The following KSR2 variants were observed in gnomAD, a reference collection of about 807,000 sequenced individuals.
KSR2 encodes the protein kinase suppressor of ras 2.
In KSR2, 25 loss-of-function variants were observed where a neutral mutation model predicts 107.8. The ratio of observed to expected loss-of-function variants is 0.23; its 90% CI spans 0.17 to 0.32. The LOEUF is 0.32. Ranked by LOEUF, KSR2 falls within the 10% of genes least tolerant of loss-of-function variation. The pLI, the probability that KSR2 is intolerant of heterozygous loss-of-function variation, is 1.00. For synonymous variants in KSR2, 480 were observed against 507.0 expected (o/e 0.95, Z 0.71); for missense variants, 887 against 1,268.9 (o/e 0.70, Z 4.57).
intron 7 of KSR2, among the ~76,000 whole-genome samples, chr12:117,570,247 C>T (rs1359387271): frequency 1.3e-5 from 2 of 152,136 alleles, no homozygotes; most frequent in African/African-American, 4.8e-5. Context: ...TGTGATCCGC[C>T]CGCCTCGGCC....
intron 1 of KSR2, among the ~76,000 whole-genome samples, chr12:117,945,861 A>G (rs1193365692): frequency 6.6e-6 from 1 of 152,168 alleles, no homozygotes; most frequent in East Asian, 1.9e-4. Context: ...GAGAGGAGAT[A>G]TACTTCTGGT....
intron 6 of KSR2, among the ~76,000 whole-genome samples, chr12:117,579,719 G>A (rs1593014726): frequency 1.3e-5 from 2 of 152,252 alleles, no homozygotes; most frequent in East Asian, 1.9e-4. Context: ...ATCAAAGGGA[G>A]CCCTCCCCTC....
intron 1 of KSR2, among the ~76,000 whole-genome samples, chr12:117,914,216 C>A (rs1418121459): frequency 2.0e-5 from 3 of 152,136 alleles, no homozygotes; most frequent in Non-Finnish European, 2.9e-5. Flanking sequence ...ATTGCTCGAG[C>A]CCAGGAGTTT....
intron 3 of KSR2, among the ~76,000 whole-genome samples, chr12:117,776,999 C>G (rs866983024): frequency 6.6e-6 from 1 of 150,704 alleles, no homozygotes. Flanking sequence ...TTCCTGCGAG[C>G]CTCTGGTCAT....
intron 3 of KSR2, among the ~76,000 whole-genome samples, chr12:117,816,988 G>C (rs1891394043): frequency 6.6e-6 from 1 of 152,106 alleles, no homozygotes; most frequent in East Asian, 2.0e-4. Context: ...CTTTCCATTG[G>C]CTTCTTCTTT....
At chr12:117,778,056 AT>A (rs757518689) in intron 3 of KSR2, among the ~76,000 whole-genome samples, 243 of 152,230 alleles carry the variant, frequency 1.6e-3, no homozygotes, top group Non-Finnish European at 2.6e-3. Flanking sequence ...AATAAATATA[AT>A]TTTTTGTCTC....
In KSR2 at chr12:117,528,480, C is replaced by G. The variant is rs144305238; in HGVS notation, c.1803-1361G>C. 2.8e-3 allele frequency among the ~76,000 whole-genome samples: 432 copies of G among 152,240 alleles called. 5 individuals carry two copies. The highest frequency in any genetic ancestry group is 0.01 in the African/African-American group (416 of 41,530). On this transcript the variant is annotated intron_variant, in intron 12 of 19. Transcript: ENST00000339824. ...CCTCATTTGGGGGACCTCCCCTATC[C>G]TGACCCTCAGATTGCAGGAAGTGGC...
intron 3 of KSR2, among the ~76,000 whole-genome samples, chr12:117,824,679 A>G (rs1891677837): frequency 6.6e-6 from 1 of 151,824 alleles, no homozygotes; most frequent in Admixed American, 6.6e-5. Context: ...ACACAGTGAA[A>G]CCCTGTCTCC....
chr12:117,772,263 T>C (rs1464920682), intron 3 of KSR2, among the ~76,000 whole-genome samples: 1 of 69,208 alleles, frequency 1.4e-5, no homozygotes. Context: ...TACACACCAT[T>C]CCCCCAAAGA....
chr12:117,792,889 A>G (rs546804029), intron 3 of KSR2, among the ~76,000 whole-genome samples: 1 of 151,482 alleles, frequency 6.6e-6, no homozygotes, highest in East Asian at 1.9e-4. Context: ...ACACACACAC[A>G]ACATGCAGAC....
At chr12:117,866,338 C>T (rs1057147828) in intron 1 of KSR2, among the ~76,000 whole-genome samples, 9 of 152,166 alleles carry the variant, frequency 5.9e-5, no homozygotes, top group Admixed American at 1.3e-4. Flanking sequence ...TAGGCATGGG[C>T]CACTGCTCTC....
intron 1 of KSR2, among the ~76,000 whole-genome samples, chr12:117,928,857 C>T (rs1895614201): frequency 8.2e-6 from 1 of 122,658 alleles, no homozygotes; most frequent in East Asian, 2.0e-4. Flanking sequence ...GCAAATGGAG[C>T]CAGAGATTGG....
chr12:117,781,477 G>T (rs1889886852), intron 3 of KSR2, among the ~76,000 whole-genome samples: 1 of 152,194 alleles, frequency 6.6e-6, no homozygotes, highest in African/African-American at 2.4e-5. Flanking sequence ...GGAAAGTGAG[G>T]CAGAGAAGAG....
chr12:117,816,277 G>A (rs758938633), intron 3 of KSR2, among the ~76,000 whole-genome samples: 5 of 152,134 alleles, frequency 3.3e-5, no homozygotes, highest in Non-Finnish European at 5.9e-5. Flanking sequence ...GCAGCCACCT[G>A]GAGTTCTGCA....
intron 14 of KSR2, among the ~76,000 whole-genome samples, chr12:117,504,729 C>T (rs1873571496): frequency 6.6e-6 from 1 of 152,170 alleles, no homozygotes. Flanking sequence ...TCAAACAGCC[C>T]ACCCAGCACC....
chr12:117,578,079 G>T (rs1349144676), intron 7 of KSR2, among the ~76,000 whole-genome samples: 1 of 152,102 alleles, frequency 6.6e-6, no homozygotes, highest in Non-Finnish European at 1.5e-5. Context: ...AGGAAGCTTG[G>T]GGAGGCAGAG....
chr12:117,476,683 T>A, intron 16 of KSR2, 88 bp from the exon 17 acceptor site: 1 of 1,381,610 alleles, frequency 7.2e-7, no homozygotes, highest in Middle Eastern at 2.5e-4. Context: ...CCTGGAGCCA[T>A]CTCTGCTGCC....
chr12:117,905,115 G>A (rs1017314331), intron 1 of KSR2, among the ~76,000 whole-genome samples: 3 of 152,132 alleles, frequency 2.0e-5, no homozygotes, highest in Non-Finnish European at 2.9e-5. Context: ...CTGGGAGGCG[G>A]AGGTTGCAGT....
chr12:117,923,538 G>A (rs1395365382), intron 1 of KSR2, among the ~76,000 whole-genome samples: 2 of 152,140 alleles, frequency 1.3e-5, no homozygotes, highest in Non-Finnish European at 2.9e-5. Flanking sequence ...GGTGGCACAT[G>A]CCAGCAGTCC....
Sources: allele counts gnomAD v4.1 joint callset (sites outside exome capture counted in the v4.1 genomes callset), GRCh38; gene constraint gnomAD v4.1.1; transcripts MANE v1.5; gene names NCBI Gene and HGNC (gene_info 2026-07-23, HGNC 2026-07-21).